The following CDH12 variants were observed in gnomAD, a reference collection of about 807,000 sequenced individuals.
CDH12 encodes cadherin-12.
In CDH12, 41 loss-of-function variants were observed where a neutral mutation model predicts 74.1. The observed-to-expected ratio is 0.55, with a 90% CI of 0.43 to 0.72. CDH12 has a LOEUF of 0.72. Ranked by LOEUF, CDH12 falls within the 30% of genes least tolerant of loss-of-function variation. The pLI is 0.00. For synonymous variants in CDH12, 399 were observed against 355.0 expected, an observed-to-expected ratio of 1.12 and a Z score of -1.39; for missense variants, 945 against 977.2, an observed-to-expected ratio of 0.97 and a Z score of 0.44.
At chr5:22,719,080 G>A (rs1306186171) in intron 1 of CDH12, among the ~76,000 whole-genome samples, 1 of 152,220 alleles carries the variant, frequency 6.6e-6, no homozygotes. Context: ...GTCTGAGGTA[G>A]AAGTGGTCCT....
intron 1 of CDH12, among the ~76,000 whole-genome samples, chr5:22,614,956 A>G (rs566560481): frequency 5.5e-4 from 84 of 152,192 alleles, no homozygotes; most frequent in African/African-American, 1.9e-3. Flanking sequence ...CACTGGACAA[A>G]GGGAAGATTC....
At chr5:22,840,564 A>G (rs896332079) in intron 1 of CDH12, among the ~76,000 whole-genome samples, 11 of 150,966 alleles carry the variant, frequency 7.3e-5, no homozygotes, top group African/African-American at 2.7e-4. Flanking sequence ...TTATACATAT[A>G]ATCTGTTTAC....
At chr5:22,412,050 C>T (rs1462506151) in intron 2 of CDH12, among the ~76,000 whole-genome samples, 2 of 151,884 alleles carry the variant, frequency 1.3e-5, no homozygotes, top group African/African-American at 4.8e-5. Context: ...AAATTTATTC[C>T]TACACCATCA....
intron 3 of CDH12, among the ~76,000 whole-genome samples, chr5:22,226,099 T>C (rs1197384371): frequency 1.3e-5 from 2 of 151,900 alleles, no homozygotes; most frequent in Non-Finnish European, 2.9e-5. Context: ...AACATTTATG[T>C]AGAAGTTCAA....
chr5:22,590,700 G>A lies in CDH12; in HGVS notation c.-522-85336C>T, dbSNP rs933132086. Among the ~76,000 whole-genome samples, 10 of 152,202 alleles carry A rather than the reference G, an allele frequency of 6.6e-5. No individual in the cohort carries two copies. In the East Asian group the frequency reaches 1.9e-3, roughly 29 times the overall value. On this transcript the variant is annotated intron_variant, in intron 1 of 14. Coordinates refer to ENST00000382254, the MANE Select transcript of CDH12 (RefSeq NM_004061.5). ...TTGTCTTATTCTAAAAACAATATTT[G>A]CAGGTTGTTTTCAATAGCAATTAAA...
At chr5:21,832,927 TC>T (rs1749144343) in intron 8 of CDH12, among the ~76,000 whole-genome samples, 1 of 68,972 alleles carries the variant, frequency 1.4e-5, no homozygotes, top group Non-Finnish European at 2.2e-5. Context: ...TTAATATATA[TC>T]ATATATTATA....
chr5:21,970,339 G>A (rs1467584366), intron 6 of CDH12, among the ~76,000 whole-genome samples: 2 of 152,078 alleles, frequency 1.3e-5, no homozygotes, highest in African/African-American at 4.8e-5. Flanking sequence ...TAATTGAGGG[G>A]CTCTCTGTTT....
chr5:22,742,637 A>G (rs1283419224), intron 1 of CDH12, among the ~76,000 whole-genome samples: 1 of 152,016 alleles, frequency 6.6e-6, no homozygotes, highest in Non-Finnish European at 1.5e-5. Context: ...TGCTGCCTGA[A>G]TTAATTAACA....
intron 1 of CDH12, among the ~76,000 whole-genome samples, chr5:22,515,709 T>A (rs1736781789): frequency 6.6e-6 from 1 of 152,068 alleles, no homozygotes; most frequent in Non-Finnish European, 1.5e-5. Flanking sequence ...GATCTCTAAT[T>A]AAAAATTTTT....
intron 1 of CDH12, among the ~76,000 whole-genome samples, chr5:22,716,839 A>G (rs557772102): frequency 6.6e-6 from 1 of 152,058 alleles, no homozygotes; most frequent in South Asian, 2.1e-4. Flanking sequence ...AAAAGTAAAC[A>G]TCAAATAAAT....
intron 5 of CDH12, among the ~76,000 whole-genome samples, chr5:22,021,807 G>A (rs1251863064): frequency 6.6e-6 from 1 of 152,138 alleles, no homozygotes; most frequent in African/African-American, 2.4e-5. Context: ...ATTAGAGCAA[G>A]GAGTTAGAAT....
chr5:22,015,458 C>T (rs1449336029), intron 5 of CDH12, among the ~76,000 whole-genome samples: 1 of 152,096 alleles, frequency 6.6e-6, no homozygotes, highest in East Asian at 1.9e-4. Flanking sequence ...ACATTTTTAT[C>T]TCTGAAACTG....
intron 8 of CDH12, among the ~76,000 whole-genome samples, chr5:21,841,955 A>G (rs1195792729): frequency 6.6e-6 from 1 of 151,506 alleles, no homozygotes; most frequent in Non-Finnish European, 1.5e-5. Context: ...ACATGTATAC[A>G]TATGTAACTA....
At chr5:22,458,914 T>C (rs927596870) in intron 2 of CDH12, among the ~76,000 whole-genome samples, 1 of 151,576 alleles carries the variant, frequency 6.6e-6, no homozygotes, top group Non-Finnish European at 1.5e-5. Context: ...GGTTTTTTCT[T>C]TTTTTTTGGC....
chr5:22,377,306 G>A (rs1439907497), intron 3 of CDH12, among the ~76,000 whole-genome samples: 1 of 152,106 alleles, frequency 6.6e-6, no homozygotes, highest in Non-Finnish European at 1.5e-5. Context: ...AAATAGAATA[G>A]CCATTGACAG....
chr5:22,773,524 A>G (rs1746923824), intron 1 of CDH12, among the ~76,000 whole-genome samples: 2 of 152,138 alleles, frequency 1.3e-5, no homozygotes, highest in South Asian at 4.1e-4. Flanking sequence ...ATTTAAATGT[A>G]AGACTTCAAA....
intron 2 of CDH12, among the ~76,000 whole-genome samples, chr5:22,439,292 C>G (rs890562915): frequency 1.3e-5 from 2 of 152,018 alleles, no homozygotes; most frequent in African/African-American, 4.8e-5. Flanking sequence ...AAAAAAAGAA[C>G]ACTTTGCTCT....
chr5:21,981,216 C>T (rs2150127322), intron 5 of CDH12, among the ~76,000 whole-genome samples: 1 of 152,264 alleles, frequency 6.6e-6, no homozygotes, highest in South Asian at 2.1e-4. Context: ...GTCAATAAAA[C>T]ACTACGTGAT....
intron 1 of CDH12, among the ~76,000 whole-genome samples, chr5:22,625,446 C>T (rs1440769329): frequency 6.6e-6 from 1 of 152,172 alleles, no homozygotes; most frequent in African/African-American, 2.4e-5. Context: ...GACACTTAAG[C>T]TAGCAGGAAG....
Sources: gnomAD v4.1 joint callset for allele counts (sites outside exome capture counted in the v4.1 genomes callset) on GRCh38, gnomAD v4.1.1 for gene constraint, MANE v1.5 for transcripts, NCBI Gene and HGNC (gene_info 2026-07-23, HGNC 2026-07-21) for gene names.